The following LAMTOR3 variants were observed in gnomAD, a reference collection of about 807,000 sequenced individuals.
LAMTOR3 encodes the protein ragulator complex protein LAMTOR3.
LAMTOR3 carries 14 observed loss-of-function variants against 20.3 expected under a neutral mutation model. The observed-to-expected ratio is 0.69, with a 90% CI of 0.46 to 1.08. The LOEUF (loss-of-function observed/expected upper bound fraction) is 1.08, where lower values mean the gene tolerates loss of function less well. Ranked by LOEUF, LAMTOR3 falls within the 50% of genes least tolerant of loss-of-function variation. The pLI is 0.00. For missense variants in LAMTOR3, 125 were observed against 143.7 expected, an observed-to-expected ratio of 0.87 and a Z score of 0.67; for synonymous variants, 40 against 49.4, an observed-to-expected ratio of 0.81 and a Z score of 0.80.
At chr4:99,892,789 C>T (rs1194770085) in intron 2 of LAMTOR3, among the ~76,000 whole-genome samples, 1 of 151,628 alleles carries the variant, frequency 6.6e-6, no homozygotes, top group East Asian at 1.9e-4. Flanking sequence ...AACGATTCTC[C>T]TGCCTCAACC....
At position 99,887,327 on chromosome 4, in the gene LAMTOR3, C is replaced by T. The variant is rs1452508014; in HGVS notation, c.72G>A (p.Val24=). The T allele has an allele frequency of 1.3e-6, 2 of 1,557,104 alleles. No homozygotes were observed. Among genetic ancestry groups the T allele is most frequent in the Non-Finnish European group, 1.7e-6 (2 of 1,147,338 alleles). Residue 24 remains valine (V), a synonymous_variant, in exon 4 of 7, where the codon GTG becomes GTA. Coordinates refer to ENST00000499666, the MANE Select transcript of LAMTOR3 (RefSeq NM_021970.4). ...PSVEGLHAIV[V]SDRDGVPVIK... ...TAACAGGTACTCCATCTCTATCTGA[C>T]ACAACAATGGCATGGAGCCCTTCAA...
chr4:99,892,526 CATT>C (rs750190523), intron 2 of LAMTOR3, among the ~76,000 whole-genome samples: 2 of 152,262 alleles, frequency 1.3e-5, no homozygotes, highest in Non-Finnish European at 2.9e-5. Context: ...GTGACTATCA[CATT>C]ATAAAAATAT....
intron 2 of LAMTOR3, among the ~76,000 whole-genome samples, 158 bp downstream of exon 2, chr4:99,893,797 T>G (rs1484823123): frequency 1.3e-5 from 2 of 152,012 alleles, no homozygotes. Flanking sequence ...TTCATATTAG[T>G]CTCCCACTTC....
intron 5 of LAMTOR3, among the ~76,000 whole-genome samples, chr4:99,884,669 T>A (rs996198328): frequency 2.6e-5 from 4 of 152,150 alleles, no homozygotes; most frequent in African/African-American, 9.7e-5. Context: ...ATATAACTTT[T>A]AAAATAAAAG....
Position 99,881,043 on chromosome 4 carries a change from TTTC to T in LAMTOR3, c.*948_*950del, listed in dbSNP as rs1178143855. The T allele has an allele frequency of 2.0e-5, 3 of 152,140 alleles. No homozygotes were observed. Among genetic ancestry groups the T allele is most frequent in the Admixed American group, 6.6e-5 (1 of 15,262 alleles). The allele number at this position is 152,140 out of a possible 1,614,324, so 9.4% of individuals were successfully genotyped here. On this transcript the variant is annotated 3_prime_UTR_variant, in exon 7 of 7. Transcript: ENST00000499666. The stretch of plus-strand genomic sequence containing the variant: ...AATCTTGGCTGACTGCAATCTCAGG[TTTC>T]TTTTCCAGTTAACAGTTCATACTAC...
chr4:99,886,384 C>T (rs1433200005), intron 4 of LAMTOR3, among the ~76,000 whole-genome samples: 4 of 152,166 alleles, frequency 2.6e-5, no homozygotes, highest in South Asian at 2.1e-4. Context: ...CGACTTTGGA[C>T]GGCAATGTCC....
intron 2 of LAMTOR3, 46 bp downstream of exon 2, chr4:99,893,908 CA>C: frequency 7.1e-7 from 1 of 1,417,546 alleles, no homozygotes; most frequent in Non-Finnish European, 9.4e-7. Context: ...GTATGCCCCT[CA>C]AAATTCCCCA....
intron 3 of LAMTOR3, among the ~76,000 whole-genome samples, chr4:99,891,556 G>C (rs1725023004): frequency 6.6e-6 from 1 of 152,122 alleles, no homozygotes. Flanking sequence ...CTCATGCAGA[G>C]ATAGCAAAGC....
Position 99,891,806 on chromosome 4 carries a change from G to A in LAMTOR3, c.44+194C>T, listed in dbSNP as rs551705708. 5.3e-5 allele frequency among the ~76,000 whole-genome samples: 8 copies of A among 152,274 alleles called. No individual in the cohort carries two copies. In the Middle Eastern group the frequency reaches 0.01, roughly 194 times the overall value. On this transcript the variant is annotated intron_variant, in intron 3 of 6. Coordinates refer to ENST00000499666, the MANE Select transcript of LAMTOR3 (RefSeq NM_021970.4). ...CTAGATACACAGAGAACTCAGTGAA[G>A]GCAAACTTATTGACATAAATGAGGA...
At chr4:99,894,148 A>G in intron 1 of LAMTOR3, 148 bp from the exon 2 acceptor site, 1 of 468,716 alleles carries the variant, frequency 2.1e-6, no homozygotes, top group Non-Finnish European at 3.8e-6. Flanking sequence ...TGGGAGTCGG[A>G]GTGCCCCAGC....
At chr4:99,885,720 G>C (rs1171939722) in intron 4 of LAMTOR3, 45 bp from the exon 5 acceptor site, 11 of 1,540,232 alleles carry the variant, frequency 7.1e-6, no homozygotes, top group Middle Eastern at 1.7e-4. Context: ...AGAGGATATG[G>C]TAGAGAGATT....
At chr4:99,882,276 ATACT>A (rs1408461097) in intron 6 of LAMTOR3, among the ~76,000 whole-genome samples, 4 of 152,150 alleles carry the variant, frequency 2.6e-5, no homozygotes, top group Non-Finnish European at 5.9e-5. Context: ...TATTTGTACA[ATACT>A]TACTATTTGA....
chr4:99,884,238 C>T, intron 5 of LAMTOR3, 113 bp from the exon 6 acceptor site: 3 of 752,470 alleles, frequency 4.0e-6, no homozygotes, highest in Non-Finnish European at 6.9e-6. Flanking sequence ...TTTAGCCCAA[C>T]ATTATGGTAT....
At position 99,881,921 on chromosome 4, in the gene LAMTOR3, T is replaced by C; in HGVS notation, c.*73A>G. The C allele has an allele frequency of 9.9e-7, 1 of 1,014,224 alleles. No individual in the cohort carries two copies. Among genetic ancestry groups the C allele is most frequent in the Non-Finnish European group, 1.5e-6 (1 of 652,116 alleles). The allele number at this position is 1,014,224 out of a possible 1,614,324, so 62.8% of individuals were successfully genotyped here. A position where few individuals can be genotyped will look rare whatever the true frequency, so the allele number is the denominator to read the frequency against. On this transcript the variant is annotated 3_prime_UTR_variant, in exon 7 of 7. Transcript: ENST00000499666. Reference sequence around the variant, plus strand: ...GAGCACATGGATAAAAGTATTATTGTAGTCTAAAGATTGCTGGATTGATAT... The same window carrying C: ...GAGCACATGGATAAAAGTATTATTGCAGTCTAAAGATTGCTGGATTGATAT...
At chr4:99,885,438 T>C (rs1724904089) in intron 5 of LAMTOR3, 104 bp downstream of exon 5, 1 of 1,050,982 alleles carries the variant, frequency 9.5e-7, no homozygotes, top group African/African-American at 1.7e-5. Context: ...TTTCATCCTC[T>C]TCAAAACTAA....
intron 1 of LAMTOR3, 23 bp from the exon 2 acceptor site, chr4:99,894,023 C>T (rs779734101): frequency 6.8e-7 from 1 of 1,461,256 alleles, no homozygotes; most frequent in Non-Finnish European, 9.2e-7. Flanking sequence ...CTCCCGGTGA[C>T]TCTTCCCTCT....
Position 99,885,620 on chromosome 4 carries a change from A to G in LAMTOR3, c.159T>C (p.Phe53=). Residue 53 remains phenylalanine (F), a synonymous_variant, in exon 5 of 7, where the codon TTT becomes TTC. Coordinates refer to ENST00000499666, the MANE Select transcript of LAMTOR3 (RefSeq NM_021970.4). ...TGCTTCCTTGGTCTGTTGCAAGGGC[A>G]AAAGTGGATAAGAAACCAGGTCGCA... ...HALRPGFLST[F]ALATDQGSKL... The G allele has an allele frequency of 6.2e-7, 1 of 1,613,470 alleles. No homozygotes were observed. Among genetic ancestry groups the G allele is most frequent in the Non-Finnish European group, 8.5e-7 (1 of 1,179,568 alleles).
intron 3 of LAMTOR3, among the ~76,000 whole-genome samples, chr4:99,889,528 A>C (rs1196787676): frequency 1.3e-5 from 2 of 152,230 alleles, no homozygotes; most frequent in Admixed American, 6.5e-5. Flanking sequence ...TGTATAGAAG[A>C]AGCAATAAAT....
chr4:99,886,097 C>G (rs1463643553), intron 4 of LAMTOR3, among the ~76,000 whole-genome samples: 1 of 152,138 alleles, frequency 6.6e-6, no homozygotes, highest in East Asian at 1.9e-4. Flanking sequence ...AGCTGGTTAC[C>G]TGTTTCATGT....
Sources: gnomAD v4.1 joint callset for allele counts (sites outside exome capture counted in the v4.1 genomes callset) on GRCh38, gnomAD v4.1.1 for gene constraint, MANE v1.5 for transcripts, NCBI Gene and HGNC (gene_info 2026-07-23, HGNC 2026-07-21) for gene names.